Variants in MSN observed in about 807,000 individuals in gnomAD.
MSN encodes the protein moesin.
Under a neutral mutation model 48.0 loss-of-function variants are expected in MSN, and 2 were observed. The ratio of observed to expected loss-of-function variants is 0.04; its 90% CI spans 0.02 to 0.13. The LOEUF (loss-of-function observed/expected upper bound fraction) is 0.13. Among genes scored for constraint, MSN ranks in the 10% least tolerant of loss-of-function variants. The pLI is 1.00. For missense variants in MSN, 267 were observed against 470.1 expected (o/e 0.57, Z 3.99); for synonymous variants, 146 against 166.9 (o/e 0.87, Z 0.97).
At chrX:65,728,033 G>T (rs923116330) in intron 3 of MSN, 124 bp downstream of exon 3, 1 of 554,230 alleles carries the variant, frequency 1.8e-6, no homozygotes, top group Non-Finnish European at 2.9e-6. Flanking sequence ...TGGGTGGTCT[G>T]TTGACCACTT....
intron 4 of MSN, 151 bp downstream of exon 4, chrX:65,729,863 A>G (rs191864597): frequency 6.6e-6 from 4 of 609,124 alleles, no homozygotes; most frequent in Non-Finnish European, 9.8e-6. Flanking sequence ...ACATTTGCAT[A>G]TAGTGTCAGA....
intron 1 of MSN, among the ~76,000 whole-genome samples, chrX:65,680,198 G>A (rs141112907): frequency 5.3e-4 from 59 of 111,701 alleles, no homozygotes; most frequent in Non-Finnish European, 1.0e-3. Flanking sequence ...ACTCAGCATG[G>A]CATATGACAA....
chrX:65,736,640 G>C lies in MSN; in HGVS notation c.960-155G>C, dbSNP rs780997358. 2.3e-3 allele frequency among the ~76,000 whole-genome samples: 253 copies of C among 110,365 alleles called. 3 individuals are homozygous for C. Among genetic ancestry groups the C allele is most frequent in the African/African-American group, 8.3e-3 (250 of 30,260 alleles). On this transcript the variant is annotated intron_variant, in intron 8 of 12. Transcript: ENST00000360270. ...TTTAGTAGAGACGGGGTTTCACTGT[G>C]TTAGCCAGGATGGTCTCGATCTCCT...
At chrX:65,638,798 C>T (rs2070626153) in intron 1 of MSN, among the ~76,000 whole-genome samples, 1 of 112,538 alleles carries the variant, frequency 8.9e-6, no homozygotes, top group Non-Finnish European at 1.9e-5. Context: ...AAGTGATCCA[C>T]CCGCCTCAGC....
chrX:65,615,873 G>A (rs1474142195), intron 1 of MSN, among the ~76,000 whole-genome samples: 81 of 110,861 alleles, frequency 7.3e-4, no homozygotes, highest in Non-Finnish European at 1.4e-3. Flanking sequence ...ATCTTGAATT[G>A]ATTTTTGTAT....
intron 1 of MSN, among the ~76,000 whole-genome samples, chrX:65,651,498 T>C (rs943649105): frequency 9.3e-6 from 1 of 108,105 alleles, no homozygotes; most frequent in African/African-American, 3.3e-5. Flanking sequence ...ATTGAGAATA[T>C]GGTGCTCTTT....
intron 1 of MSN, among the ~76,000 whole-genome samples, chrX:65,672,925 T>C (rs1377650819): frequency 8.9e-6 from 1 of 111,899 alleles, no homozygotes; most frequent in Non-Finnish European, 1.9e-5. Flanking sequence ...AATACAAAAT[T>C]GAACAGCGCT....
At chrX:65,698,847 G>C (rs759717412) in intron 1 of MSN, among the ~76,000 whole-genome samples, 3 of 111,969 alleles carry the variant, frequency 2.7e-5, no homozygotes, top group African/African-American at 3.3e-5. Flanking sequence ...TCCTGAAATC[G>C]CAATGCTGAA....
intron 1 of MSN, among the ~76,000 whole-genome samples, chrX:65,658,589 T>C (rs958687867): frequency 2.0e-4 from 22 of 111,691 alleles, no homozygotes; most frequent in African/African-American, 6.5e-4. Context: ...GGGGATTCTT[T>C]TTGCAAAGTA....
In MSN at chrX:65,724,624, G is replaced by A. The variant is rs145609366; in HGVS notation, c.97-3190G>A. ...CTCTACAATTAGTCTGTTAGTACAGGCAAAGACCAGTTGCTGCTTGTCTGA... is the reference window on the plus strand; with the variant it reads ...CTCTACAATTAGTCTGTTAGTACAGACAAAGACCAGTTGCTGCTTGTCTGA... On this transcript the variant is annotated intron_variant, in intron 2 of 12. Coordinates refer to ENST00000360270, the MANE Select transcript of MSN (RefSeq NM_002444.3). Among the ~76,000 whole-genome samples, 340 of 111,855 alleles carry A rather than the reference G, an allele frequency of 3.0e-3. 2 individuals carry two copies. Among genetic ancestry groups the A allele is most frequent in the South Asian group, 0.026 (69 of 2,667 alleles).
intron 1 of MSN, among the ~76,000 whole-genome samples, chrX:65,626,976 C>G (rs1473273915): frequency 9.0e-6 from 1 of 111,693 alleles, no homozygotes; most frequent in Non-Finnish European, 1.9e-5. Flanking sequence ...TGCCACTACA[C>G]CCTGGAGGAG....
intron 1 of MSN, among the ~76,000 whole-genome samples, chrX:65,592,023 T>C (rs1450711227): frequency 9.2e-6 from 1 of 109,221 alleles, no homozygotes; most frequent in Non-Finnish European, 1.9e-5. Context: ...ATTGGTACCT[T>C]CAGTGCCCAA....
chrX:65,595,368 C>T (rs1465262400), intron 1 of MSN, among the ~76,000 whole-genome samples: 1 of 111,939 alleles, frequency 8.9e-6, no homozygotes, highest in African/African-American at 3.3e-5. Flanking sequence ...CCGTACTGGC[C>T]ATGCTCTCTG....
At chrX:65,638,954 C>T (rs1357693798) in intron 1 of MSN, among the ~76,000 whole-genome samples, 1 of 112,149 alleles carries the variant, frequency 8.9e-6, no homozygotes, top group Non-Finnish European at 1.9e-5. Context: ...GTAATACAGG[C>T]ATCATGATAC....
chrX:65,705,651 C>T (rs1220429899), intron 1 of MSN, among the ~76,000 whole-genome samples: 1 of 111,924 alleles, frequency 8.9e-6, no homozygotes, highest in Non-Finnish European at 1.9e-5. Context: ...TCACCTCTGA[C>T]CTGAACTCTG....
chrX:65,728,535 C>T (rs763422365), intron 3 of MSN, among the ~76,000 whole-genome samples: 3 of 110,490 alleles, frequency 2.7e-5, no homozygotes, highest in South Asian at 3.9e-4. Flanking sequence ...CCTTGTGATC[C>T]GCCCGCCTCG....
chrX:65,739,624 G>T, intron 12 of MSN, 105 bp from the exon 13 acceptor site: 3 of 911,587 alleles, frequency 3.3e-6, no homozygotes, highest in Non-Finnish European at 4.5e-6. Flanking sequence ...GAGAGAAAGG[G>T]TGAGGAAGAA....
chrX:65,618,235 G>A (rs1389369546), intron 1 of MSN, among the ~76,000 whole-genome samples: 1 of 111,550 alleles, frequency 9.0e-6, no homozygotes, highest in East Asian at 2.8e-4. Flanking sequence ...GCTTGGTGCA[G>A]AGCTGAGTTC....
At chrX:65,602,579 C>G (rs1347192544) in intron 1 of MSN, among the ~76,000 whole-genome samples, 3 of 111,291 alleles carry the variant, frequency 2.7e-5, no homozygotes, top group African/African-American at 9.8e-5. Flanking sequence ...GGCAGGGTGG[C>G]TTTGAGTTTT....
Sources: gnomAD v4.1 joint callset for allele counts (sites outside exome capture counted in the v4.1 genomes callset) on GRCh38, gnomAD v4.1.1 for gene constraint, MANE v1.5 for transcripts, NCBI Gene and HGNC (gene_info 2026-07-23, HGNC 2026-07-21) for gene names.